SH3BP4: variants seen among roughly 807,000 people sequenced by gnomAD.
SH3BP4 encodes SH3 domain-binding protein 4.
A neutral mutation model predicts 65.5 loss-of-function variants in SH3BP4; 33 were observed. The observed-to-expected ratio is 0.50, with a 90% confidence interval of 0.38 to 0.67. The LOEUF (loss-of-function observed/expected upper bound fraction) is 0.67. Among genes scored for constraint, SH3BP4 ranks in the 30% least tolerant of loss-of-function variants. The pLI, the probability that SH3BP4 is intolerant of heterozygous loss-of-function variation, is 0.00. For synonymous variants in SH3BP4, 552 were observed against 545.5 expected (o/e 1.01, Z -0.17); for missense variants, 1,134 against 1,261.4 (o/e 0.90, Z 1.53).
rs199774203 is a variant in SH3BP4 at position 235,041,052 on chromosome 2, G to A, written c.283G>A (p.Ala95Thr). The A allele has an allele frequency of 1.1e-5, 17 of 1,614,116 alleles. 1 individual carries two copies. Among genetic ancestry groups the A allele is most frequent in the Middle Eastern group, 1.6e-4 (1 of 6,062 alleles). Residue 95 changes from alanine to threonine, a missense_variant, in exon 4 of 6, where the codon GCA becomes ACA. By Grantham distance (58) the Ala-to-Thr change is moderately conservative. Transcript: ENST00000392011. The surrounding 1 kb of genome is among the most constrained non-coding windows in gnomAD (Gnocchi z 6.0). Reference sequence around the variant, plus strand: ...CACATCTGGCGGTGAGTGGTGGTACGCACACAACACCACCGAAATGGGCTA... The same window carrying A: ...CACATCTGGCGGTGAGTGGTGGTACACACACAACACCACCGAAATGGGCTA... ...LDTSGGEWWY[A>T]HNTTEMGYIP... is the part of the protein sequence containing the mutation.
At chr2:234,986,344 T>G (rs1329014551) in intron 1 of SH3BP4, among the ~76,000 whole-genome samples, 4 of 152,200 alleles carry the variant, frequency 2.6e-5, no homozygotes, top group African/African-American at 9.7e-5. Context: ...TTCCCAGATA[T>G]TTTCAGCCTC....
At position 235,042,313 on chromosome 2, in the gene SH3BP4, A is replaced by T. The variant is rs748884483; in HGVS notation, c.1544A>T (p.Asn515Ile). ...AGCGAGGTCACACGCCAGGCACCCA[A>T]CCCTGCCCCGGTGGCCCTGCAGCTG... is the stretch of plus-strand genomic sequence containing the variant. ...LVSEVTRQAPNPAPVALQLWG... is the reference protein window; with the variant it reads ...LVSEVTRQAPIPAPVALQLWG... Residue 515 changes from asparagine (N) to isoleucine (I), a missense_variant, in exon 4 of 6, where the codon AAC becomes ATC. Transcript: ENST00000392011. The surrounding 1 kb of genome is among the most constrained non-coding windows in gnomAD (Gnocchi z 7.3). 2 of 1,613,550 alleles carry T rather than the reference A, an allele frequency of 1.2e-6. No homozygotes were observed. Among genetic ancestry groups the T allele is most frequent in the African/African-American group, 1.3e-5 (1 of 74,746 alleles).
In SH3BP4 at chr2:234,997,164, G is replaced by C. The variant is rs1469739744; in HGVS notation, c.-133+1788G>C. 6.6e-6 allele frequency among the ~76,000 whole-genome samples: 1 copy of C among 152,158 alleles called. No individual in the cohort carries two copies. The highest frequency in any genetic ancestry group is 1.9e-4 in the East Asian group (1 of 5,180). Reference sequence around the variant, plus strand: ...GGGTGTAGGGGTGCTTGGGGGCGTGGGTCCCCACAGCAGTTAGAGACCATC... The same window carrying C: ...GGGTGTAGGGGTGCTTGGGGGCGTGCGTCCCCACAGCAGTTAGAGACCATC... On this transcript the variant is annotated intron_variant, in intron 2 of 5. Transcript: ENST00000392011. The surrounding 1 kb of genome is among the most constrained non-coding windows in gnomAD (Gnocchi z 4.2).
intron 3 of SH3BP4, among the ~76,000 whole-genome samples, chr2:235,039,720 G>T (rs1273263132): frequency 6.6e-6 from 1 of 152,058 alleles, no homozygotes; most frequent in East Asian, 1.9e-4. Flanking sequence ...CACTTGTTTG[G>T]CTGACTTATT....
chr2:235,048,539 G>T (rs1302915058), intron 4 of SH3BP4, among the ~76,000 whole-genome samples: 1 of 149,920 alleles, frequency 6.7e-6, no homozygotes, highest in Non-Finnish European at 1.5e-5. Flanking sequence ...AGGTTTGATT[G>T]TGTTGCCCAG....
intron 3 of SH3BP4, among the ~76,000 whole-genome samples, chr2:235,038,376 CATATATATATATATAT>C (rs1177080438): frequency 8.1e-5 from 1 of 12,364 alleles, no homozygotes; most frequent in Non-Finnish European, 1.5e-4. Context: ...AATATATATA[CATATATATATATATAT>C]ATATATATAT....
intron 4 of SH3BP4, 115 bp downstream of exon 4, chr2:235,043,362 G>T: frequency 1.4e-6 from 1 of 700,156 alleles, no homozygotes; most frequent in South Asian, 2.0e-5. Context: ...GACAGTGTCT[G>T]TGGCTGATGT....
In SH3BP4 at chr2:235,045,454, G is replaced by A. The variant is rs1481933177; in HGVS notation, c.2478+2207G>A. Among the ~76,000 whole-genome samples, 3 of 151,960 alleles carry A rather than the reference G, an allele frequency of 2.0e-5. No individual in the cohort carries two copies. The highest frequency in any genetic ancestry group is 1.9e-4 in the East Asian group (1 of 5,176). On this transcript the variant is annotated intron_variant, in intron 4 of 5. Transcript: ENST00000392011. This position sits in a 1 kb window ranked among gnomAD's most constrained non-coding sequence, Gnocchi z 4.3. ...CATCTCTGGGAGGGGATTTTTTGGTGGGCCTCCCTGTCCGCTCCAGGGAGG... is the reference window on the plus strand; with the variant it reads ...CATCTCTGGGAGGGGATTTTTTGGTAGGCCTCCCTGTCCGCTCCAGGGAGG...
At chr2:234,981,361 G>A (rs567626256) in intron 1 of SH3BP4, among the ~76,000 whole-genome samples, 38 of 152,082 alleles carry the variant, frequency 2.5e-4, no homozygotes, top group Non-Finnish European at 4.7e-4. Flanking sequence ...GTGCTTTCCT[G>A]TTCAGATAGC....
intron 2 of SH3BP4, among the ~76,000 whole-genome samples, chr2:235,028,633 T>C (rs1695079048): frequency 6.6e-6 from 1 of 152,220 alleles, no homozygotes; most frequent in Non-Finnish European, 1.5e-5. Flanking sequence ...GATGGTCTTA[T>C]GTCCTGGGAA....
chr2:235,053,739 C>G lies in SH3BP4; in HGVS notation c.2815C>G (p.Leu939Val). The G allele has an allele frequency of 6.2e-7, 1 of 1,614,246 alleles. No individual in the cohort carries two copies. The highest frequency in any genetic ancestry group is 8.5e-7 in the Non-Finnish European group (1 of 1,180,052). ...GCGCTGGAAGCACCTCACTGGGACT[C>G]TGATCTTGGTGAACTCCCTGGACGT... is the stretch of plus-strand genomic sequence containing the variant. ...TKRWKHLTGT[L>V]ILVNSLDVLR... Residue 939 changes from leucine to valine, a missense_variant, in exon 6 of 6, where the codon CTG (leucine) becomes GTG (valine). Coordinates refer to ENST00000392011, the MANE Select transcript of SH3BP4 (RefSeq NM_014521.3).
chr2:235,044,178 T>C (rs1303792791), intron 4 of SH3BP4, among the ~76,000 whole-genome samples: 1 of 152,364 alleles, frequency 6.6e-6, no homozygotes, highest in African/African-American at 2.4e-5. Flanking sequence ...TTGTTTCCAC[T>C]TCCCCCTCTG....
chr2:234,966,583 A>G (rs1206049376), intron 1 of SH3BP4, among the ~76,000 whole-genome samples: 1 of 152,234 alleles, frequency 6.6e-6, no homozygotes, highest in Admixed American at 6.5e-5. Flanking sequence ...AATACCACGC[A>G]GTAAATCTTG....
At chr2:234,985,763 C>T (rs1157034727) in intron 1 of SH3BP4, among the ~76,000 whole-genome samples, 1 of 151,764 alleles carries the variant, frequency 6.6e-6, no homozygotes, top group Non-Finnish European at 1.5e-5. Context: ...GTGACACACG[C>T]CTACGAGCTC....
chr2:235,042,924 G>A lies in SH3BP4; in HGVS notation c.2155G>A (p.Val719Met), dbSNP rs752102370. 30 of 1,613,100 alleles carry A rather than the reference G, an allele frequency of 1.9e-5. No individual in the cohort carries two copies. Among genetic ancestry groups the A allele is most frequent in the Non-Finnish European group, 2.4e-5 (28 of 1,179,890 alleles). Residue 719 changes from valine to methionine, a missense_variant, in exon 4 of 6, where the codon GTG (valine) becomes ATG (methionine). Coordinates refer to ENST00000392011, the MANE Select transcript of SH3BP4 (RefSeq NM_014521.3). This position sits in a 1 kb window ranked among gnomAD's most constrained non-coding sequence, Gnocchi z 7.3. ...GGTGGGCCTCGTGCACACCAAGAAC[G>A]TGCTGGTGGTCGGCAGGGCCCGGCC... ...GRVGLVHTKN[V>M]LVVGRARPSL...
rs149025081 is a variant in SH3BP4 at position 234,960,939 on chromosome 2, G to A, written c.-207+8769G>A. Among the ~76,000 whole-genome samples, 1,480 of 152,292 alleles carry A rather than the reference G, an allele frequency of 9.7e-3. 11 individuals carry two copies. Among genetic ancestry groups the A allele is most frequent in the Non-Finnish European group, 0.015 (1,029 of 68,036 alleles). ...GTCAGGGAACAATAGCTGGAATGAC[G>A]TTTTCACAGACTGCAATATGAGAAG... On this transcript the variant is annotated intron_variant, in intron 1 of 5. Coordinates refer to ENST00000392011, the MANE Select transcript of SH3BP4 (RefSeq NM_014521.3).
rs1695812523 is a variant in SH3BP4, at chr2:235,045,198, C to T, written c.2478+1951C>T. Among the ~76,000 whole-genome samples the T allele has an allele frequency of 6.6e-6, 1 of 152,102 alleles. No homozygotes were observed. The highest frequency in any genetic ancestry group is 2.1e-4 in the South Asian group (1 of 4,822). On this transcript the variant is annotated intron_variant, in intron 4 of 5. Transcript: ENST00000392011. The surrounding 1 kb of genome is among the most constrained non-coding windows in gnomAD (Gnocchi z 4.3). ...CCGTGAGAGCCTCTGTGCGGGCGGC[C>T]CCGAGACCACAGCCGTGGCTGTGCA...
rs1351273978 is a variant in SH3BP4, at chr2:235,052,501, G to A, written c.2479-61G>A. 6.0e-6 allele frequency: 8 copies of A among 1,342,752 alleles called. No homozygotes were observed. Among genetic ancestry groups the A allele is most frequent in the South Asian group, 1.5e-5 (1 of 65,392 alleles). 83.2% of individuals were successfully genotyped at this position (1,342,752 alleles called of 1,614,324 possible). ...CCTGCGCCGTCTGCTGGAATTCTGCGGGGAGCAGAGCCTGCCCCACTCCCT... is the reference window on the plus strand; with the variant it reads ...CCTGCGCCGTCTGCTGGAATTCTGCAGGGAGCAGAGCCTGCCCCACTCCCT... On this transcript the variant is annotated intron_variant, in intron 4 of 5. Coordinates refer to ENST00000392011, the MANE Select transcript of SH3BP4 (RefSeq NM_014521.3). The surrounding 1 kb of genome is among the most constrained non-coding windows in gnomAD (Gnocchi z 5.0).
intron 2 of SH3BP4, among the ~76,000 whole-genome samples, chr2:235,010,524 C>T (rs1029803750): frequency 7.9e-5 from 12 of 152,216 alleles, no homozygotes; most frequent in Non-Finnish European, 1.2e-4. Context: ...AATGAATTAA[C>T]ACATTGAAAG....
Sources: allele counts gnomAD v4.1 joint callset (sites outside exome capture counted in the v4.1 genomes callset), GRCh38; gene constraint gnomAD v4.1.1; non-coding constraint Gnocchi (gnomAD v3.1); transcripts MANE v1.5; gene names NCBI Gene and HGNC (gene_info 2026-07-23, HGNC 2026-07-21).